MS4A7: variants seen among roughly 807,000 people sequenced by gnomAD.
The protein encoded by MS4A7 is membrane-spanning 4-domains subfamily A member 7.
A neutral mutation model predicts 23.5 loss-of-function variants in MS4A7; 21 were observed. The observed-to-expected ratio is 0.89, with a 90% CI of 0.63 to 1.29. The LOEUF is 1.29. MS4A7 is among the 50% of genes most tolerant of loss of function. MS4A7 has a pLI of 0.00. For missense variants in MS4A7, 263 were observed against 274.2 expected, an observed-to-expected ratio of 0.96 and a Z score of 0.29; for synonymous variants, 111 against 107.4, an observed-to-expected ratio of 1.03 and a Z score of -0.21.
At chr11:60,391,505 G>A (rs1287825697) in intron 5 of MS4A7, among the ~76,000 whole-genome samples, 1 of 152,134 alleles carries the variant, frequency 6.6e-6, no homozygotes, top group Admixed American at 6.5e-5. Flanking sequence ...ACAAAAAAAT[G>A]AGTAGCGGCA....
chr11:60,393,094 CT>C lies in MS4A7; in HGVS notation c.648+309del, dbSNP rs2085571724. Among the ~76,000 whole-genome samples, 7 of 151,748 alleles carry C rather than the reference CT, an allele frequency of 4.6e-5. No individual in the cohort carries two copies. In the South Asian group the frequency reaches 1.5e-3, roughly 32 times the overall value. ...TGAGATCACACCACTGCACTGCAGCCTGGGTGACAGAGTGAGACTCAGTCTC... is the reference window on the plus strand; with the variant it reads ...TGAGATCACACCACTGCACTGCAGCCGGGTGACAGAGTGAGACTCAGTCTC... On this transcript the variant is annotated intron_variant, in intron 6 of 6. Coordinates refer to ENST00000300184, the MANE Select transcript of MS4A7 (RefSeq NM_021201.5).
intron 3 of MS4A7, among the ~76,000 whole-genome samples, chr11:60,385,708 G>A (rs867378640): frequency 1.3e-5 from 2 of 152,184 alleles, no homozygotes; most frequent in Non-Finnish European, 2.9e-5. Context: ...CTTGCTGTGT[G>A]TCCAGAGGTA....
At chr11:60,383,944 T>C (rs751017131) in intron 2 of MS4A7, among the ~76,000 whole-genome samples, 23 of 152,246 alleles carry the variant, frequency 1.5e-4, no homozygotes, top group Non-Finnish European at 2.8e-4. Context: ...ATTTTTCAAA[T>C]ATTTTGAGAT....
In MS4A7 at chr11:60,394,434, G is replaced by A. The variant is rs570083857; in HGVS notation, c.*573G>A. ...CAGCAAGCATGTCCCTGCCTCCCAT[G>A]AATCTTACCATGTAAATCCAAATCT... On this transcript the variant is annotated 3_prime_UTR_variant, in exon 7 of 7. Coordinates refer to ENST00000300184, the MANE Select transcript of MS4A7 (RefSeq NM_021201.5). 6 of 152,680 alleles carry A rather than the reference G, an allele frequency of 3.9e-5. No homozygotes were observed. In the South Asian group the frequency reaches 8.3e-4, roughly 21 times the overall value. The allele number at this position is 152,680 out of a possible 1,614,324, so 9.5% of individuals were successfully genotyped here. A position where few individuals can be genotyped will look rare whatever the true frequency, so the allele number is the denominator to read the frequency against.
At chr11:60,384,832 T>A (rs931375186) in intron 2 of MS4A7, among the ~76,000 whole-genome samples, 1 of 151,882 alleles carries the variant, frequency 6.6e-6, no homozygotes, top group African/African-American at 2.4e-5. Context: ...CTGTCAAGTA[T>A]CTTTTTCAAA....
intron 1 of MS4A7, 137 bp from the exon 2 acceptor site, chr11:60,382,992 T>C (rs1164715061): frequency 3.4e-6 from 3 of 875,856 alleles, no homozygotes; most frequent in Non-Finnish European, 3.5e-6. Context: ...CTGATCCCCA[T>C]GTTTTGTTTC....
At chr11:60,382,478 T>G (rs2135093520) in intron 1 of MS4A7, among the ~76,000 whole-genome samples, 1 of 152,348 alleles carries the variant, frequency 6.6e-6, no homozygotes, top group Middle Eastern at 3.4e-3. Flanking sequence ...TTTAATAACA[T>G]GTAAGTTACA....
At chr11:60,391,650 G>A (rs920996384) in intron 5 of MS4A7, among the ~76,000 whole-genome samples, 2 of 152,170 alleles carry the variant, frequency 1.3e-5, no homozygotes, top group Non-Finnish European at 2.9e-5. Context: ...CAGGTGCAGT[G>A]GCTCACAACT....
At chr11:60,388,781 G>A (rs557837738) in intron 4 of MS4A7, among the ~76,000 whole-genome samples, 78 of 152,298 alleles carry the variant, frequency 5.1e-4, no homozygotes, top group African/African-American at 1.8e-3. Flanking sequence ...AAGCCCATGT[G>A]CCTCTGCCTC....
intron 1 of MS4A7, among the ~76,000 whole-genome samples, chr11:60,379,723 CG>C (rs2085409317): frequency 6.6e-6 from 1 of 152,006 alleles, no homozygotes; most frequent in Non-Finnish European, 1.5e-5. Context: ...TTAGTAGAGA[CG>C]GGGTTTCACC....
chr11:60,384,140 T>C (rs116003313), intron 2 of MS4A7, among the ~76,000 whole-genome samples: 1,853 of 152,316 alleles, frequency 0.012, 34 homozygotes, highest in African/African-American at 0.042. Flanking sequence ...CTGCCCTGTT[T>C]CTTTACAATC....
intron 4 of MS4A7, chr11:60,389,124 T>C: frequency 4.5e-6 from 2 of 439,896 alleles, no homozygotes; most frequent in Admixed American, 3.9e-5. Flanking sequence ...TTGAGTGCTA[T>C]AGAGAGTCAA....
intron 2 of MS4A7, among the ~76,000 whole-genome samples, chr11:60,383,817 C>CAT (rs1294358074): frequency 1.3e-5 from 2 of 152,196 alleles, no homozygotes. Flanking sequence ...GGATTACAGG[C>CAT]ATGAGCCACT....
rs369439137 is a variant in MS4A7, at chr11:60,385,132, C to T, written c.192C>T (p.Ala64=). The part of the protein sequence containing the change: ...LCCLLISSLG[A]ILVFAPYPSH... ...GCCTGTTGATTTCAAGTCTGGGGGC[C>T]ATCTTGGTTTTTGCTCCCTACCCCT... The change falls in exon 3 of 7, where the codon GCC becomes GCT. Residue 64 remains alanine, a synonymous_variant. Coordinates refer to ENST00000300184, the MANE Select transcript of MS4A7 (RefSeq NM_021201.5). 11 of 1,613,920 alleles carry T rather than the reference C, an allele frequency of 6.8e-6. No homozygotes were observed. The highest frequency in any genetic ancestry group is 1.3e-5 in the African/African-American group (1 of 74,900).
At chr11:60,388,407 C>T (rs1385869298) in intron 4 of MS4A7, among the ~76,000 whole-genome samples, 1 of 152,190 alleles carries the variant, frequency 6.6e-6, no homozygotes, top group Non-Finnish European at 1.5e-5. Flanking sequence ...GAGAGGATTT[C>T]AGTTTCTAAG....
rs2085580511 is a variant in MS4A7 at position 60,393,815 on chromosome 11, A to T, written c.677A>T (p.Asp226Val). ...TCATTTTCCTCGACCCAGTCACAAG[A>T]TCATATCCAACAGGTCAAAAAGAGT... The part of the protein sequence containing the change: ...GSSFSSTQSQ[D>V]HIQQVKKSSS... The change falls in exon 7 of 7, where the codon GAT becomes GTT. Residue 226 changes from aspartate to valine, a missense_variant. By Grantham distance (152) the Asp-to-Val change is radical. Coordinates refer to ENST00000300184, the MANE Select transcript of MS4A7 (RefSeq NM_021201.5). 6.2e-7 allele frequency: 1 copy of T among 1,612,214 alleles called. No homozygotes were observed. The highest frequency in any genetic ancestry group is 1.7e-5 in the Admixed American group (1 of 59,606).
intron 3 of MS4A7, 126 bp downstream of exon 3, chr11:60,385,348 T>A: frequency 1.0e-6 from 1 of 988,916 alleles, no homozygotes; most frequent in Non-Finnish European, 1.5e-6. Context: ...ACTTTCCTTC[T>A]ATCATTGCCC....
chr11:60,388,005 C>A (rs1286036520), intron 4 of MS4A7, among the ~76,000 whole-genome samples: 3 of 152,206 alleles, frequency 2.0e-5, no homozygotes, highest in African/African-American at 7.2e-5. Flanking sequence ...ATGCTCCTCT[C>A]TGTTTAAGCA....
At chr11:60,392,954 T>C (rs1042980787) in intron 6 of MS4A7, among the ~76,000 whole-genome samples, 168 bp downstream of exon 6, 12 of 152,136 alleles carry the variant, frequency 7.9e-5, no homozygotes, top group Non-Finnish European at 1.6e-4. Flanking sequence ...ACCCCATCTC[T>C]ACTAAAAATA....
Sources: gnomAD v4.1 joint callset for allele counts (sites outside exome capture counted in the v4.1 genomes callset) on GRCh38, gnomAD v4.1.1 for gene constraint, MANE v1.5 for transcripts, NCBI Gene and HGNC (gene_info 2026-07-23, HGNC 2026-07-21) for gene names.